DTD1: variants seen among roughly 807,000 people sequenced by gnomAD.
DTD1 encodes the protein D-tyrosyl-tRNA deacylase 1 homolog.
In DTD1, 13 loss-of-function variants were observed where a neutral mutation model predicts 25.6. The observed-to-expected ratio is 0.51, with a 90% confidence interval of 0.33 to 0.81. The LOEUF is 0.81. Among genes scored for constraint, DTD1 ranks in the 30% least tolerant of loss-of-function variants. The pLI is 0.02. For synonymous variants in DTD1, 110 were observed against 103.6 expected (o/e 1.06, Z -0.37); for missense variants, 193 against 266.4 (o/e 0.72, Z 1.92).
chr20:18,614,928 C>A (rs2060703210), intron 3 of DTD1, among the ~76,000 whole-genome samples: 1 of 150,094 alleles, frequency 6.7e-6, no homozygotes, highest in Non-Finnish European at 1.5e-5. Flanking sequence ...CCTTTCTGCT[C>A]TCCTCCCCCT....
chr20:18,628,913 TGTG>T (rs2060770664), intron 4 of DTD1, among the ~76,000 whole-genome samples: 2 of 151,662 alleles, frequency 1.3e-5, no homozygotes, highest in African/African-American at 4.8e-5. Context: ...GCTAGCATGC[TGTG>T]ATGGCCAGTG....
rs1366079571 is a variant in DTD1 at position 18,749,169 on chromosome 20, G to A, written c.*19+4898G>A. Among the ~76,000 whole-genome samples, 1 of 152,166 alleles carries A rather than the reference G, an allele frequency of 6.6e-6. No homozygotes were observed. Among genetic ancestry groups the A allele is most frequent in the African/African-American group, 2.4e-5 (1 of 41,436 alleles). ...TGCTCCAGGCTGGGATCCTTGGAGT[G>A]GGGGAATGGGGGTTGGGTTGCAGGA... On this transcript the variant is annotated intron_variant, in intron 5 of 5. Transcript: ENST00000377452. The surrounding 1 kb of genome is among the most constrained non-coding windows in gnomAD (Gnocchi z 4.2).
At chr20:18,650,200 G>T (rs2060868853) in intron 4 of DTD1, among the ~76,000 whole-genome samples, 2 of 152,206 alleles carry the variant, frequency 1.3e-5, no homozygotes, top group Admixed American at 1.3e-4. Flanking sequence ...CTGAACTCCA[G>T]TCTGGGTGAC....
intron 4 of DTD1, among the ~76,000 whole-genome samples, chr20:18,717,053 C>G (rs970249747): frequency 6.6e-6 from 1 of 152,216 alleles, no homozygotes; most frequent in Non-Finnish European, 1.5e-5. Context: ...GGAGCACCTC[C>G]AGTGTCATTA....
intron 4 of DTD1, among the ~76,000 whole-genome samples, chr20:18,700,082 G>A (rs1246273432): frequency 1.3e-5 from 2 of 152,122 alleles, no homozygotes; most frequent in Admixed American, 1.3e-4. Context: ...CCAGTCTTAC[G>A]ATCTTGATAC....
rs528092425 is a variant in DTD1, at chr20:18,618,464, C to G, written c.371-9663C>G. ...CAACCTCCCAGGCTAAAGCAATCCTCCCACCTCAGCCTCCTGAGTAGCTGG... is the reference window on the plus strand; with the variant it reads ...CAACCTCCCAGGCTAAAGCAATCCTGCCACCTCAGCCTCCTGAGTAGCTGG... On this transcript the variant is annotated intron_variant, in intron 3 of 5. Coordinates refer to ENST00000377452, the MANE Select transcript of DTD1 (RefSeq NM_080820.6). Among the ~76,000 whole-genome samples the G allele has an allele frequency of 4.6e-5, 7 of 151,554 alleles. No individual in the cohort carries two copies. In the South Asian group the frequency reaches 1.5e-3, roughly 31 times the overall value.
intron 4 of DTD1, among the ~76,000 whole-genome samples, chr20:18,655,435 T>A (rs2122361440): frequency 6.6e-6 from 1 of 152,158 alleles, no homozygotes; most frequent in South Asian, 2.1e-4. Context: ...TCTGTTTTAA[T>A]TATGGCAATT....
chr20:18,662,766 A>G (rs747105017), intron 4 of DTD1, among the ~76,000 whole-genome samples: 3 of 150,790 alleles, frequency 2.0e-5, no homozygotes, highest in Non-Finnish European at 4.4e-5. Flanking sequence ...TTTTTGTTCC[A>G]CTTTCCTTTT....
chr20:18,672,612 T>G (rs1461202811), intron 4 of DTD1, among the ~76,000 whole-genome samples: 1 of 152,212 alleles, frequency 6.6e-6, no homozygotes, highest in Non-Finnish European at 1.5e-5. Context: ...AATTTTAGCT[T>G]CAGAAAAATT....
intron 4 of DTD1, among the ~76,000 whole-genome samples, chr20:18,639,619 T>C (rs747044354): frequency 6.6e-6 from 1 of 152,170 alleles, no homozygotes; most frequent in Non-Finnish European, 1.5e-5. Flanking sequence ...TATACCTCAC[T>C]AGCTCCACCA....
intron 4 of DTD1, among the ~76,000 whole-genome samples, chr20:18,633,380 C>T (rs2060795945): frequency 6.6e-6 from 1 of 152,172 alleles, no homozygotes; most frequent in African/African-American, 2.4e-5. Context: ...CCCACAGTTC[C>T]CAGGAAGCCC....
rs1555801995 is a variant in DTD1 at position 18,708,320 on chromosome 20, T to TATTA, written c.478-35780_478-35779insATTA. On this transcript the variant is annotated intron_variant, in intron 4 of 5. Coordinates refer to ENST00000377452, the MANE Select transcript of DTD1 (RefSeq NM_080820.6). Reference sequence around the variant, plus strand: ...ATAATATATATATTTTATATATATATTATATATATATATTTTATATATATA... The same window carrying TATTA: ...ATAATATATATATTTTATATATATATATTATATATATATATATTTTATATATATA... 1.1e-3 allele frequency among the ~76,000 whole-genome samples: 43 copies of TATTA among 40,734 alleles called. 4 individuals are homozygous for TATTA. Among genetic ancestry groups the TATTA allele is most frequent in the Non-Finnish European group, 2.1e-3 (40 of 19,266 alleles). 26.7% of individuals were successfully genotyped at this position (40,734 alleles called of 152,430 possible).
At chr20:18,690,881 A>G (rs949029862) in intron 4 of DTD1, among the ~76,000 whole-genome samples, 2 of 152,162 alleles carry the variant, frequency 1.3e-5, no homozygotes, top group South Asian at 4.1e-4. Context: ...TTTATGAAAA[A>G]TGACATTGGT....
chr20:18,648,650 C>A (rs556761272), intron 4 of DTD1, among the ~76,000 whole-genome samples: 6 of 152,138 alleles, frequency 3.9e-5, no homozygotes, highest in Admixed American at 1.3e-4. Flanking sequence ...CATGGTGCTT[C>A]TATTTTCTAT....
chr20:18,664,049 C>A (rs2060921947), intron 4 of DTD1, among the ~76,000 whole-genome samples: 1 of 152,224 alleles, frequency 6.6e-6, no homozygotes, highest in Non-Finnish European at 1.5e-5. Context: ...ATAGGCTACA[C>A]CACATAGCTT....
At chr20:18,595,173 T>C (rs2060605426) in intron 2 of DTD1, among the ~76,000 whole-genome samples, 1 of 152,234 alleles carries the variant, frequency 6.6e-6, no homozygotes, top group African/African-American at 2.4e-5. Context: ...CTTAAGGAGC[T>C]TGTGACATAG....
chr20:18,593,701 G>A (rs1568638669), intron 1 of DTD1, 30 bp from the exon 2 acceptor site: 4 of 1,576,152 alleles, frequency 2.5e-6, no homozygotes, highest in Non-Finnish European at 3.5e-6. Context: ...TTGGTTCTGA[G>A]TTCTTCTCTC....
intron 4 of DTD1, chr20:18,698,489 C>T (rs2061089001): frequency 6.6e-6 from 1 of 152,268 alleles, no homozygotes; most frequent in Non-Finnish European, 1.5e-5. Context: ...GTTAAGCATC[C>T]CCTGTGGACA....
At chr20:18,613,387 A>G (rs1011085924) in intron 3 of DTD1, among the ~76,000 whole-genome samples, 1 of 152,210 alleles carries the variant, frequency 6.6e-6, no homozygotes, top group African/African-American at 2.4e-5. Flanking sequence ...AACTGTTGCT[A>G]AAACTCTCAG....
Sources: gnomAD v4.1 joint callset for allele counts (sites outside exome capture counted in the v4.1 genomes callset) on GRCh38, gnomAD v4.1.1 for gene constraint, Gnocchi (gnomAD v3.1) non-coding constraint, MANE v1.5 for transcripts, NCBI Gene and HGNC (gene_info 2026-07-23, HGNC 2026-07-21) for gene names.